TAFA1: variants seen among roughly 807,000 people sequenced by gnomAD.
The protein encoded by TAFA1 is TAFA chemokine like family member 1.
A neutral mutation model predicts 18.5 loss-of-function variants in TAFA1; 4 were observed. The observed-to-expected ratio is 0.22, with a 90% CI of 0.11 to 0.49. The LOEUF is 0.49. Ranked by LOEUF, TAFA1 falls within the 20% of genes least tolerant of loss-of-function variation. The pLI, the probability that TAFA1 is intolerant of heterozygous loss-of-function variation, is 0.98. For missense variants in TAFA1, 147 were observed against 169.0 expected, an observed-to-expected ratio of 0.87 and a Z score of 0.72; for synonymous variants, 56 against 55.2, an observed-to-expected ratio of 1.01 and a Z score of -0.06.
intron 2 of TAFA1, among the ~76,000 whole-genome samples, chr3:68,044,169 A>G (rs1217498836): frequency 6.6e-6 from 1 of 151,968 alleles, no homozygotes; most frequent in African/African-American, 2.4e-5. Flanking sequence ...TCCTAATTCA[A>G]CTTCTCTCCT....
chr3:68,499,292 G>A (rs2072611840), intron 3 of TAFA1, among the ~76,000 whole-genome samples: 1 of 151,058 alleles, frequency 6.6e-6, no homozygotes, highest in South Asian at 2.1e-4. Flanking sequence ...ACTGCTTATT[G>A]ATGCATTCAA....
chr3:68,071,753 G>A (rs2064757893), intron 2 of TAFA1, among the ~76,000 whole-genome samples: 1 of 152,282 alleles, frequency 6.6e-6, no homozygotes, highest in East Asian at 1.9e-4. Context: ...AGGAATCATG[G>A]TGATGGCAAC....
Position 68,039,690 on chromosome 3 carries a change from A to G in TAFA1, c.118+32946A>G, listed in dbSNP as rs77570016. Among the ~76,000 whole-genome samples the G allele has an allele frequency of 3.4e-3, 522 of 152,304 alleles. 2 individuals carry two copies. The highest frequency in any genetic ancestry group is 0.014 in the Middle Eastern group (4 of 294). ...CTTGAAACAAGGATTTGAGTCAGGT[A>G]GTTTACTTGGAGGTCATTGATGATC... On this transcript the variant is annotated intron_variant, in intron 2 of 4. Transcript: ENST00000478136.
At chr3:68,321,779 T>C (rs1202262441) in intron 2 of TAFA1, among the ~76,000 whole-genome samples, 1 of 152,184 alleles carries the variant, frequency 6.6e-6, no homozygotes, top group Admixed American at 6.5e-5. Flanking sequence ...AGTCTCCATC[T>C]GGACTTTGAA....
intron 2 of TAFA1, among the ~76,000 whole-genome samples, chr3:68,377,475 A>G (rs1309563272): frequency 6.6e-6 from 1 of 152,196 alleles, no homozygotes; most frequent in Non-Finnish European, 1.5e-5. Context: ...TTTTAACTTG[A>G]GAGAGATGAT....
At chr3:68,405,519 C>A (rs555638002) in intron 2 of TAFA1, among the ~76,000 whole-genome samples, 4 of 149,092 alleles carry the variant, frequency 2.7e-5, no homozygotes, top group African/African-American at 7.4e-5. Context: ...CAAAGGGAGA[C>A]GCCCATCTCT....
At chr3:68,193,621 A>T (rs931656019) in intron 2 of TAFA1, among the ~76,000 whole-genome samples, 1 of 151,850 alleles carries the variant, frequency 6.6e-6, no homozygotes, top group Non-Finnish European at 1.5e-5. Context: ...TGAATAAAAC[A>T]TCTTTCCTTA....
chr3:68,267,416 CTCATA>C (rs2067569290), intron 2 of TAFA1, among the ~76,000 whole-genome samples: 1 of 152,132 alleles, frequency 6.6e-6, no homozygotes, highest in Admixed American at 6.5e-5. Context: ...GTTTTAGTAA[CTCATA>C]TAAGTTATAT....
chr3:68,242,094 A>G (rs2067007314), intron 2 of TAFA1, among the ~76,000 whole-genome samples: 1 of 152,164 alleles, frequency 6.6e-6, no homozygotes. Flanking sequence ...TTAGTATACT[A>G]GCAAGATGCA....
At chr3:68,472,712 A>T (rs2072024060) in intron 3 of TAFA1, among the ~76,000 whole-genome samples, 1 of 152,148 alleles carries the variant, frequency 6.6e-6, no homozygotes, top group Non-Finnish European at 1.5e-5. Flanking sequence ...AATTGCATGT[A>T]AATACATAAT....
intron 3 of TAFA1, among the ~76,000 whole-genome samples, chr3:68,514,277 T>C (rs933215920): frequency 2.6e-5 from 4 of 152,218 alleles, no homozygotes; most frequent in Non-Finnish European, 5.9e-5. Flanking sequence ...AGCCCTTCTA[T>C]ATAGATATGG....
At chr3:68,245,841 A>T (rs904496676) in intron 2 of TAFA1, among the ~76,000 whole-genome samples, 1 of 152,254 alleles carries the variant, frequency 6.6e-6, no homozygotes. Context: ...TGCGAAATGT[A>T]TAAGCTGGTC....
At chr3:68,344,911 A>T (rs2069140413) in intron 2 of TAFA1, among the ~76,000 whole-genome samples, 1 of 152,182 alleles carries the variant, frequency 6.6e-6, no homozygotes, top group Non-Finnish European at 1.5e-5. Context: ...CTAGCACAGA[A>T]TATCCAACAC....
At chr3:68,530,981 A>G (rs2073179837) in intron 3 of TAFA1, among the ~76,000 whole-genome samples, 1 of 152,002 alleles carries the variant, frequency 6.6e-6, no homozygotes, top group Non-Finnish European at 1.5e-5. Context: ...CAAAACTAGA[A>G]GGCACTGAAT....
chr3:68,314,140 G>A (rs1306350394), intron 2 of TAFA1, among the ~76,000 whole-genome samples: 1 of 152,112 alleles, frequency 6.6e-6, no homozygotes, highest in Non-Finnish European at 1.5e-5. Flanking sequence ...TTTGGTTGTT[G>A]TTTTTCCTAT....
intron 2 of TAFA1, among the ~76,000 whole-genome samples, chr3:68,078,106 CTGTT>C (rs1267667606): frequency 2.6e-5 from 4 of 151,894 alleles, no homozygotes; most frequent in East Asian, 1.9e-4. Flanking sequence ...ATTTGGCTCT[CTGTT>C]TGTCTGTTGT....
intron 2 of TAFA1, among the ~76,000 whole-genome samples, chr3:68,332,795 G>A (rs2068904790): frequency 1.3e-5 from 2 of 152,146 alleles, no homozygotes; most frequent in South Asian, 4.1e-4. Flanking sequence ...AGAAACTCTT[G>A]AACACTGTAG....
rs537626223 is a variant in TAFA1, at chr3:68,378,659, A to T, written c.119-38621A>T. ...TGGGAGGGTCTAAGAGCAGGATGGT[A>T]TGGTTTGGCTCTGTGTCCCCATGCA... is the stretch of plus-strand genomic sequence containing the variant. On this transcript the variant is annotated intron_variant, in intron 2 of 4. Coordinates refer to ENST00000478136, the MANE Select transcript of TAFA1 (RefSeq NM_213609.4). Among the ~76,000 whole-genome samples, 10 of 152,210 alleles carry T rather than the reference A, an allele frequency of 6.6e-5. No homozygotes were observed. The South Asian group carries it at 2.1e-3, about 32-fold the overall frequency.
At chr3:68,037,949 A>G (rs1360918361) in intron 2 of TAFA1, among the ~76,000 whole-genome samples, 2 of 152,212 alleles carry the variant, frequency 1.3e-5, no homozygotes, top group Non-Finnish European at 2.9e-5. Context: ...AGAAATGAAG[A>G]AAAGAAAGAC....
Sources: gnomAD v4.1 joint callset for allele counts (sites outside exome capture counted in the v4.1 genomes callset) on GRCh38, gnomAD v4.1.1 for gene constraint, MANE v1.5 for transcripts, NCBI Gene and HGNC (gene_info 2026-07-23, HGNC 2026-07-21) for gene names.